TIAM1: variants seen among roughly 807,000 people sequenced by gnomAD.
TIAM1 encodes the protein rho guanine nucleotide exchange factor TIAM1.
Under a neutral mutation model 163.5 loss-of-function variants are expected in TIAM1, and 65 were observed. The ratio of observed to expected loss-of-function variants is 0.40; its 90% CI spans 0.33 to 0.49. TIAM1 has a LOEUF of 0.49. TIAM1 is among the 20% of genes least tolerant of loss of function. The pLI is 0.77. For synonymous variants in TIAM1, 833 were observed against 810.1 expected, an observed-to-expected ratio of 1.03 and a Z score of -0.48; for missense variants, 1,789 against 2,044.7, an observed-to-expected ratio of 0.87 and a Z score of 2.41.
In TIAM1 at chr21:31,245,476, T is replaced by A. The variant is rs780932727; in HGVS notation, c.1584+12A>T. 22 of 1,448,942 alleles carry A rather than the reference T, an allele frequency of 1.5e-5. No homozygotes were observed. The highest frequency in any genetic ancestry group is 1.9e-5 in the Non-Finnish European group (21 of 1,089,878). 89.8% of individuals were successfully genotyped at this position (1,448,942 alleles called of 1,614,324 possible). ...GGTTTGAAATGCCCTGCAAAGGAAG[T>A]GCCCAACAAACCTGAAAAAGGAAGG... On this transcript the variant is annotated intron_variant, in intron 6 of 27. Coordinates refer to ENST00000541036, the MANE Select transcript of TIAM1 (RefSeq NM_001353694.2).
chr21:31,451,525 G>C (rs1386232126), intron 2 of TIAM1, among the ~76,000 whole-genome samples: 2 of 152,150 alleles, frequency 1.3e-5, no homozygotes, highest in Non-Finnish European at 2.9e-5. Flanking sequence ...ACCAGAGTCT[G>C]TAGTTCAGAG....
intron 2 of TIAM1, among the ~76,000 whole-genome samples, chr21:31,431,768 G>C (rs2044037222): frequency 6.6e-6 from 1 of 152,082 alleles, no homozygotes; most frequent in African/African-American, 2.4e-5. Context: ...GAATACTGCA[G>C]GCAACAGTAA....
intron 2 of TIAM1, among the ~76,000 whole-genome samples, chr21:31,388,899 G>A (rs2076923820): frequency 2.0e-5 from 3 of 152,230 alleles, no homozygotes; most frequent in Admixed American, 2.0e-4. Flanking sequence ...CAAGGGGAAA[G>A]AAGGGGCAAC....
chr21:31,330,800 T>A (rs1187451979), intron 2 of TIAM1, among the ~76,000 whole-genome samples: 1 of 152,220 alleles, frequency 6.6e-6, no homozygotes, highest in Non-Finnish European at 1.5e-5. Context: ...ATAGACTTCA[T>A]ACTCTCCAAG....
At chr21:31,431,231 A>C (rs925466888) in intron 2 of TIAM1, among the ~76,000 whole-genome samples, 3 of 152,180 alleles carry the variant, frequency 2.0e-5, no homozygotes, top group Non-Finnish European at 2.9e-5. Context: ...TTCACCTCCC[A>C]AACTACTCTG....
At position 31,266,639 on chromosome 21, in the gene TIAM1, C is replaced by T. The variant is rs142082958; in HGVS notation, c.334G>A (p.Val112Ile). ...GCTGTGAGGACGATGCTGCTGTCTA[C>T]GCTGGGAGTGACAGAAGAGTCAGTG... ...SYTDSSVTPS[V>I]DSSIVLTAAS... Residue 112 changes from valine to isoleucine, a missense_variant, in exon 4 of 28, where the codon GTA becomes ATA. Coordinates refer to ENST00000541036, the MANE Select transcript of TIAM1 (RefSeq NM_001353694.2). The T allele has an allele frequency of 3.2e-4, 524 of 1,614,178 alleles. 1 individual carries two copies. In the African/African-American group the frequency reaches 4.6e-3, roughly 14 times the overall value.
chr21:31,191,160 T>G (rs2085541693), intron 13 of TIAM1, among the ~76,000 whole-genome samples: 2 of 151,956 alleles, frequency 1.3e-5, no homozygotes, highest in Non-Finnish European at 2.9e-5. Context: ...GGCAGGCTTT[T>G]CTTTTCTTTT....
chr21:31,429,042 C>CA (rs1275405669), intron 2 of TIAM1, among the ~76,000 whole-genome samples: 1 of 151,396 alleles, frequency 6.6e-6, no homozygotes, highest in Non-Finnish European at 1.5e-5. Context: ...CTCTGTCCCC[C>CA]AGGCTGGAGT....
intron 2 of TIAM1, among the ~76,000 whole-genome samples, chr21:31,384,038 A>C (rs2076824707): frequency 6.6e-6 from 1 of 152,144 alleles, no homozygotes; most frequent in African/African-American, 2.4e-5. Context: ...AATTGCTAAA[A>C]TCTAAGTAGA....
intron 1 of TIAM1, among the ~76,000 whole-genome samples, chr21:31,343,621 G>A (rs1020515577): frequency 7.9e-5 from 12 of 151,980 alleles, no homozygotes; most frequent in Non-Finnish European, 1.0e-4. Context: ...CCATCCAGGT[G>A]CGGTCGGGAG....
intron 1 of TIAM1, among the ~76,000 whole-genome samples, chr21:31,524,477 GA>G (rs1181222107): frequency 6.6e-6 from 1 of 152,180 alleles, no homozygotes; most frequent in Non-Finnish European, 1.5e-5. Context: ...AAGAGATTTG[GA>G]GGGGACATCC....
At chr21:31,531,268 A>G (rs1468187828) in intron 1 of TIAM1, among the ~76,000 whole-genome samples, 1 of 152,148 alleles carries the variant, frequency 6.6e-6, no homozygotes, top group African/African-American at 2.4e-5. Context: ...TCGGCTCCCC[A>G]GTGAAAAACA....
At chr21:31,445,744 G>A (rs918291953) in intron 2 of TIAM1, among the ~76,000 whole-genome samples, 7 of 152,080 alleles carry the variant, frequency 4.6e-5, no homozygotes, top group Middle Eastern at 3.4e-3. Context: ...TTCCTGGATC[G>A]GACTATACCC....
At chr21:31,248,910 C>T (rs1475436969) in intron 5 of TIAM1, among the ~76,000 whole-genome samples, 1 of 152,106 alleles carries the variant, frequency 6.6e-6, no homozygotes, top group South Asian at 2.1e-4. Flanking sequence ...CTTCCTGTGT[C>T]ATTTACTCTC....
chr21:31,333,273 C>T (rs1379397581), intron 2 of TIAM1, among the ~76,000 whole-genome samples: 1 of 151,994 alleles, frequency 6.6e-6, no homozygotes, highest in Non-Finnish European at 1.5e-5. Context: ...TCTCCAACTC[C>T]GTTTTTTTCA....
At chr21:31,225,699 C>T (rs1300400203) in intron 7 of TIAM1, 27 bp downstream of exon 7, 29 of 1,585,906 alleles carry the variant, frequency 1.8e-5, no homozygotes, top group East Asian at 4.5e-5. Context: ...CAATTTTGTC[C>T]GGACCTAAAC....
intron 12 of TIAM1, among the ~76,000 whole-genome samples, chr21:31,197,301 A>G (rs1362290386): frequency 6.6e-6 from 1 of 152,266 alleles, no homozygotes; most frequent in Non-Finnish European, 1.5e-5. Flanking sequence ...AGCTTTGTAC[A>G]AAGTCAAGAT....
In TIAM1 at chr21:31,120,517, G is replaced by C; in HGVS notation, c.4627C>G (p.Leu1543Val). ...ISQRERGRKT[L>V]DSHASRMAQL... ...GCCATGCGGGACGCGTGACTATCCAGGGTTTTCCGGCCTCTTTCCCGCTGA... is the reference window on the plus strand; with the variant it reads ...GCCATGCGGGACGCGTGACTATCCACGGTTTTCCGGCCTCTTTCCCGCTGA... Residue 1543 changes from leucine (L) to valine (V), a missense_variant, in exon 28 of 28, where the codon CTG becomes GTG. Physicochemically the swap from Leu to Val is conservative, Grantham distance 32. This residue lies in a region of TIAM1 where 415 missense variants were observed against 439.2 expected (regional missense o/e 0.94). Transcript: ENST00000541036. This position sits in a 1 kb window ranked among gnomAD's most constrained non-coding sequence, Gnocchi z 4.2. 1 of 1,614,222 alleles carries C rather than the reference G, an allele frequency of 6.2e-7. No individual in the cohort carries two copies. Among genetic ancestry groups the C allele is most frequent in the East Asian group, 2.2e-5 (1 of 44,866 alleles).
At chr21:31,324,744 T>C (rs1413456353) in intron 2 of TIAM1, among the ~76,000 whole-genome samples, 1 of 152,228 alleles carries the variant, frequency 6.6e-6, no homozygotes, top group African/African-American at 2.4e-5. Flanking sequence ...ACTGCCCAAC[T>C]AGAATATGTG....
Sources: gnomAD v4.1 joint callset for allele counts (sites outside exome capture counted in the v4.1 genomes callset) on GRCh38, gnomAD v4.1.1 for gene constraint, gnomAD v4.1.1 regional missense constraint, Gnocchi (gnomAD v3.1) non-coding constraint, MANE v1.5 for transcripts, NCBI Gene and HGNC (gene_info 2026-07-23, HGNC 2026-07-21) for gene names.